POLD1: variants seen among roughly 807,000 people sequenced by gnomAD.
POLD1 encodes DNA polymerase delta catalytic subunit.
POLD1 carries 79 observed loss-of-function variants against 129.7 expected under a neutral mutation model. The observed-to-expected ratio is 0.61, with a 90% confidence interval of 0.51 to 0.73. The LOEUF is 0.73. Among genes scored for constraint, POLD1 ranks in the 30% least tolerant of loss-of-function variants. The pLI is 0.00. For missense variants in POLD1, 1,338 were observed against 1,595.8 expected, an observed-to-expected ratio of 0.84 and a Z score of 2.75; for synonymous variants, 714 against 683.3, an observed-to-expected ratio of 1.04 and a Z score of -0.70.
intron 1 of POLD1, among the ~76,000 whole-genome samples, chr19:50,398,297 C>T (rs1352530505): frequency 5.9e-5 from 9 of 152,050 alleles, no homozygotes; most frequent in East Asian, 5.8e-4. Context: ...CAAGGCCGGG[C>T]GCGGAGACTC....
chr19:50,413,579 G>A, intron 18 of POLD1, 58 bp downstream of exon 18: 1 of 1,544,616 alleles, frequency 6.5e-7, no homozygotes, highest in Non-Finnish European at 8.9e-7. Context: ...GGGGATGGAA[G>A]CCGGGCCGGA....
At chr19:50,405,045 G>A (rs957981432) in intron 10 of POLD1, among the ~76,000 whole-genome samples, 5 of 152,216 alleles carry the variant, frequency 3.3e-5, no homozygotes, top group South Asian at 4.1e-4. Flanking sequence ...GATTACAGGC[G>A]TGAGCCACCG....
intron 17 of POLD1, among the ~76,000 whole-genome samples, chr19:50,412,524 T>C (rs1390926893): frequency 6.6e-6 from 1 of 151,098 alleles, no homozygotes; most frequent in African/African-American, 2.4e-5. Flanking sequence ...AAAAGGAACA[T>C]AGGACAGGTG....
intron 26 of POLD1, among the ~76,000 whole-genome samples, chr19:50,417,579 A>G (rs1224858496): frequency 6.6e-6 from 1 of 151,666 alleles, no homozygotes; most frequent in East Asian, 1.9e-4. Context: ...TCCCCAGGGA[A>G]CGGGTAGGCG....
In POLD1 at chr19:50,403,581, G is replaced by C. The variant is rs749611798; in HGVS notation, c.1226G>C (p.Arg409Pro). Residue 409 changes from arginine (R) to proline (P), a missense_variant, in exon 10 of 27, where the codon CGG becomes CCG. Around this residue, in one of 3 missense-constraint regions of POLD1, gnomAD observed 720 missense variants for 1,002.6 expected, o/e 0.72. Transcript: ENST00000440232. Reference sequence around the variant, plus strand: ...TTCGACCTTCCGTACCTCATCTCTCGGGCCCAGACCCTCAAGGTGAGGGCT... The same window carrying C: ...TTCGACCTTCCGTACCTCATCTCTCCGGCCCAGACCCTCAAGGTGAGGGCT... ...QNFDLPYLIS[R>P]AQTLKVQTFP... 1 of 1,612,192 alleles carries C rather than the reference G, an allele frequency of 6.2e-7. No homozygotes were observed. The highest frequency in any genetic ancestry group is 8.5e-7 in the Non-Finnish European group (1 of 1,178,268).
In POLD1 at chr19:50,406,589, C is replaced by T. The variant is rs2038894517; in HGVS notation, c.1494+72C>T. On this transcript the variant is annotated intron_variant, in intron 12 of 26. Coordinates refer to ENST00000440232, the MANE Select transcript of POLD1 (RefSeq NM_002691.4). This position sits in a 1 kb window ranked among gnomAD's most constrained non-coding sequence, Gnocchi z 5.5. ...CTCACCCTTCCCCGGCCTCTGACCTCAACTTCACGCCCCCACGTCTGACCT... is the reference window on the plus strand; with the variant it reads ...CTCACCCTTCCCCGGCCTCTGACCTTAACTTCACGCCCCCACGTCTGACCT... The T allele has an allele frequency of 9.0e-7, 1 of 1,106,166 alleles. No individual in the cohort carries two copies. The highest frequency in any genetic ancestry group is 1.5e-5 in the African/African-American group (1 of 64,966). 68.5% of individuals were successfully genotyped at this position (1,106,166 alleles called of 1,614,324 possible).
At chr19:50,408,746 C>T (rs2038987093) in intron 14 of POLD1, 39 bp from the exon 15 acceptor site, 1 of 1,609,590 alleles carries the variant, frequency 6.2e-7, no homozygotes, top group African/African-American at 1.3e-5. Context: ...CATGGGAACT[C>T]CTAGCCCTGA....
chr19:50,415,577 G>T lies in POLD1; in HGVS notation c.2704G>T (p.Glu902Ter). Residue 902 changes from glutamate to a stop codon, truncating the protein, a stop_gained, in exon 21 of 27, where the codon GAG becomes TAG. Coordinates refer to ENST00000440232, the MANE Select transcript of POLD1 (RefSeq NM_002691.4). LOFTEE classifies it high-confidence loss of function. ...CTATGCCGGCAAGCAGGCCCACGTG[G>T]AGCTGGCCGAGAGGTCCTGCGCGGG... ...SDYAGKQAHV[E>*]LAERMRKRDP... 1 of 1,611,592 alleles carries T rather than the reference G, an allele frequency of 6.2e-7. No individual in the cohort carries two copies. Among genetic ancestry groups the T allele is most frequent in the Non-Finnish European group, 8.5e-7 (1 of 1,178,966 alleles).
rs867305018 is a variant in POLD1 at position 50,416,663 on chromosome 19, C to A, written c.3007C>A (p.Leu1003Met). ...GCTCACGGGCAAGGTGGGCGGCCTCCTGGCCTTCGCCAAACGCCGCAACTG... is the reference window on the plus strand; with the variant it reads ...GCTCACGGGCAAGGTGGGCGGCCTCATGGCCTTCGCCAAACGCCGCAACTG... Reference protein sequence around the residue: ...TVLTGKVGGLLAFAKRRNCCI... With the variant: ...TVLTGKVGGLMAFAKRRNCCI... The change falls in exon 24 of 27, where the codon CTG (leucine) becomes ATG (methionine). Residue 1003 changes from leucine to methionine, a missense_variant. By Grantham distance (15) the Leu-to-Met change is conservative (BLOSUM62 2). Around this residue, in one of 3 missense-constraint regions of POLD1, gnomAD observed 286 missense variants for 277.5 expected, o/e 1.03. Coordinates refer to ENST00000440232, the MANE Select transcript of POLD1 (RefSeq NM_002691.4). The A allele has an allele frequency of 6.4e-7, 1 of 1,561,592 alleles. No individual in the cohort carries two copies. Among genetic ancestry groups the A allele is most frequent in the Non-Finnish European group, 8.6e-7 (1 of 1,158,178 alleles).
At position 50,417,978 on chromosome 19, in the gene POLD1, G is replaced by C; in HGVS notation, c.*31G>C. On this transcript the variant is annotated 3_prime_UTR_variant, in exon 27 of 27. Transcript: ENST00000440232. The stretch of plus-strand genomic sequence containing the variant: ...CAAGCATCCCATGGGGCGGGGGCGG[G>C]ACCAGGGAGAATTAATAAAGTTCTG... 2.4e-5 allele frequency: 30 copies of C among 1,266,424 alleles called. No homozygotes were observed. The highest frequency in any genetic ancestry group is 1.8e-4 in the Middle Eastern group (1 of 5,422). 78.4% of individuals were successfully genotyped at this position (1,266,424 alleles called of 1,614,324 possible).
At chr19:50,401,391 A>ATATTTT (rs1334231607) in intron 3 of POLD1, among the ~76,000 whole-genome samples, 4 of 65,992 alleles carry the variant, frequency 6.1e-5, no homozygotes, top group Admixed American at 2.4e-4. Flanking sequence ...ATATATATAT[A>ATATTTT]TTTTTTTTTT....
Position 50,398,902 on chromosome 19 carries a change from G to C in POLD1, c.51G>C (p.Arg17=), listed in dbSNP as rs779575901. 1.9e-6 allele frequency: 3 copies of C among 1,600,688 alleles called. No individual in the cohort carries two copies. The highest frequency in any genetic ancestry group is 2.6e-6 in the Non-Finnish European group (3 of 1,175,104). The change falls in exon 2 of 27, where the codon CGG becomes CGC. Residue 17 remains arginine, a synonymous_variant. Transcript: ENST00000440232. ...PGPGPGVPPK[R]ARGGLWDDDD... ...CAGGGCCCGGGGTGCCCCCAAAGCGGGCCCGTGGGGGCCTCTGGGATGATG... is the reference window on the plus strand; with the variant it reads ...CAGGGCCCGGGGTGCCCCCAAAGCGCGCCCGTGGGGGCCTCTGGGATGATG...
Position 50,402,527 on chromosome 19 carries a change from AAGG to A in POLD1, c.835_837del (p.Glu279del), listed in dbSNP as rs746341854. 2.7e-5 allele frequency: 43 copies of A among 1,601,554 alleles called. No individual in the cohort carries two copies. Among genetic ancestry groups the A allele is most frequent in the Non-Finnish European group, 3.2e-5 (38 of 1,174,456 alleles). On this transcript the variant is annotated inframe_deletion, in exon 7 of 27. Coordinates refer to ENST00000440232, the MANE Select transcript of POLD1 (RefSeq NM_002691.4). The stretch of plus-strand genomic sequence containing the variant: ...AGCTGGGAAATACGCCCTGAGGCTG[AAGG>A]AGAAGGTGCAGGGCTTCCCAGGGCA...
Position 50,406,757 on chromosome 19 carries a change from G to A in POLD1, c.1495-226G>A, listed in dbSNP as rs1018782419. On this transcript the variant is annotated intron_variant, in intron 12 of 26. Transcript: ENST00000440232. This position sits in a 1 kb window ranked among gnomAD's most constrained non-coding sequence, Gnocchi z 5.5. Reference sequence around the variant, plus strand: ...TTTCCTGGCCTGACCACAGGTCCACGGTGGCCTTCAGGCTGCTCCCTCCTC... The same window carrying A: ...TTTCCTGGCCTGACCACAGGTCCACAGTGGCCTTCAGGCTGCTCCCTCCTC... 1.1e-4 allele frequency among the ~76,000 whole-genome samples: 17 copies of A among 151,978 alleles called. No homozygotes were observed. The highest frequency in any genetic ancestry group is 2.4e-4 in the African/African-American group (10 of 41,374).
Position 50,417,181 on chromosome 19 carries a change from CTGAA to C in POLD1, c.3133_3136del (p.Asn1045ProfsTer78). The C allele has an allele frequency of 6.2e-7, 1 of 1,605,402 alleles. No individual in the cohort carries two copies. The highest frequency in any genetic ancestry group is 8.5e-7 in the Non-Finnish European group (1 of 1,176,820). On this transcript the variant is annotated frameshift_variant, in exon 26 of 27. Transcript: ENST00000440232. LOFTEE classifies it high-confidence loss of function. ...CCGCTGCCGTCCCCAGGTATCCCAT[CTGAA>C]TGCCCTGGAGGAGCGCTTCTCGCGC... is the stretch of plus-strand genomic sequence containing the variant.
At chr19:50,411,359 C>T (rs2122413535) in intron 17 of POLD1, among the ~76,000 whole-genome samples, 1 of 152,310 alleles carries the variant, frequency 6.6e-6, no homozygotes, top group African/African-American at 2.4e-5. Context: ...CAGGCTCTAG[C>T]CCTGAAGCAG....
chr19:50,417,326 TG>T (rs769850923), intron 26 of POLD1, 57 bp downstream of exon 26: 6 of 1,282,424 alleles, frequency 4.7e-6, no homozygotes, highest in Non-Finnish European at 5.4e-6. Context: ...CCCAGGCCTG[TG>T]GGTTGTGGAC....
chr19:50,416,324 C>T (rs1307682569), intron 22 of POLD1, 72 bp from the exon 23 acceptor site: 12 of 1,506,404 alleles, frequency 8.0e-6, no homozygotes, highest in Non-Finnish European at 1.1e-5. Context: ...AGCCCCAGGC[C>T]CCATGACCAC....
In POLD1 at chr19:50,399,052, C is replaced by T. The variant is rs753863287; in HGVS notation, c.201C>T (p.Asp67=). Residue 67 remains aspartate (D), a splice_region_variant and synonymous_variant, in exon 2 of 27, where the codon GAC becomes GAT. Coordinates refer to ENST00000440232, the MANE Select transcript of POLD1 (RefSeq NM_002691.4). ...AGTCAGTCCTGGAGGGGGTTGCAGA[C>T]GGTAAGGCTTGGAGTTGGAGGTTCC... is the stretch of plus-strand genomic sequence containing the variant. The part of the protein sequence containing the change: ...ELQSVLEGVA[D]GQVPPSAIDP... 3.9e-5 allele frequency: 61 copies of T among 1,552,208 alleles called. No homozygotes were observed. The highest frequency in any genetic ancestry group is 5.9e-5 in the Admixed American group (3 of 51,072).
Sources: allele counts gnomAD v4.1 joint callset (sites outside exome capture counted in the v4.1 genomes callset), GRCh38; gene constraint gnomAD v4.1.1; regional missense constraint gnomAD v4.1.1; non-coding constraint Gnocchi (gnomAD v3.1); transcripts MANE v1.5; gene names NCBI Gene and HGNC (gene_info 2026-07-23, HGNC 2026-07-21).